UBE2D4: variants seen among roughly 807,000 people sequenced by gnomAD.
The protein encoded by UBE2D4 is ubiquitin conjugating enzyme E2 D4.
A neutral mutation model predicts 23.0 loss-of-function variants in UBE2D4; 17 were observed. The ratio of observed to expected loss-of-function variants is 0.74; its 90% CI spans 0.51 to 1.11. The LOEUF (loss-of-function observed/expected upper bound fraction) is 1.11. Ranked by LOEUF, UBE2D4 falls within the 50% of genes least tolerant of loss-of-function variation. UBE2D4 has a pLI of 0.00. For missense variants in UBE2D4, 139 were observed against 181.8 expected (o/e 0.76, Z 1.35); for synonymous variants, 61 against 69.4 (o/e 0.88, Z 0.60).
Position 43,938,443 on chromosome 7 carries a change from T to C in UBE2D4, c.37T>C (p.Leu13=), listed in dbSNP as rs200634894. The C allele has an allele frequency of 6.2e-7, 1 of 1,614,124 alleles. No homozygotes were observed. Among genetic ancestry groups the C allele is most frequent in the African/African-American group, 1.3e-5 (1 of 75,050 alleles). The change falls in exon 2 of 7, where the codon TTG becomes CTG. Residue 13 remains leucine, a synonymous_variant. Coordinates refer to ENST00000222402, the MANE Select transcript of UBE2D4 (RefSeq NM_015983.4). ...TCTCATGTTCTAGGAATTAACCGAC[T>C]TGCAGAGGGATCCTCCTGCCCAGTG... ...LKRIQKELTD[L]QRDPPAQCSA...
chr7:43,939,431 T>G (rs891655555), intron 2 of UBE2D4, among the ~76,000 whole-genome samples: 3 of 152,238 alleles, frequency 2.0e-5, no homozygotes, highest in African/African-American at 7.2e-5. Flanking sequence ...AGGTCTGTCC[T>G]CTGCCCACTC....
rs564895009 is a variant in UBE2D4, at chr7:43,954,693, G to C, written c.*1998G>C. 3 of 152,178 alleles carry C rather than the reference G, an allele frequency of 2.0e-5. No homozygotes were observed. The highest frequency in any genetic ancestry group is 7.2e-5 in the African/African-American group (3 of 41,442). 9.4% of individuals were successfully genotyped at this position (152,178 alleles called of 1,614,324 possible). A position where few individuals can be genotyped will look rare whatever the true frequency, so the allele number is the denominator to read the frequency against. ...CCTCTAGGAAGGCTGTTAGCATATG[G>C]CTCTACTGAGCAGCAGTGCCATCTG... is the stretch of plus-strand genomic sequence containing the variant. On this transcript the variant is annotated 3_prime_UTR_variant, in exon 7 of 7. Coordinates refer to ENST00000222402, the MANE Select transcript of UBE2D4 (RefSeq NM_015983.4).
chr7:43,943,127 TG>T, intron 4 of UBE2D4, 96 bp downstream of exon 4: 1 of 1,286,458 alleles, frequency 7.8e-7, no homozygotes, highest in Non-Finnish European at 1.1e-6. Context: ...GAGCTGTACG[TG>T]GGGTTTCTCT....
intron 1 of UBE2D4, among the ~76,000 whole-genome samples, chr7:43,929,344 T>C (rs1002735770): frequency 2.0e-5 from 3 of 151,690 alleles, no homozygotes; most frequent in African/African-American, 7.3e-5. Context: ...GGAGAATTGC[T>C]TGAACCCAGG....
At chr7:43,950,455 G>A (rs780078708) in intron 5 of UBE2D4, 144 bp from the exon 6 acceptor site, 23 of 667,358 alleles carry the variant, frequency 3.4e-5, no homozygotes, top group African/African-American at 5.3e-5. Flanking sequence ...CGGGGCAAGT[G>A]GTGCATCAAG....
chr7:43,936,258 T>C (rs2095958495), intron 1 of UBE2D4, among the ~76,000 whole-genome samples: 1 of 152,176 alleles, frequency 6.6e-6, no homozygotes, highest in Non-Finnish European at 1.5e-5. Flanking sequence ...GTTTTTTTTT[T>C]CCTAATTGTA....
chr7:43,936,291 T>C (rs1455961441), intron 1 of UBE2D4, among the ~76,000 whole-genome samples: 1 of 152,196 alleles, frequency 6.6e-6, no homozygotes, highest in Non-Finnish European at 1.5e-5. Flanking sequence ...TTGTGTCTTA[T>C]AAAGGATGGA....
At chr7:43,927,218 T>G (rs2095933720) in intron 1 of UBE2D4, among the ~76,000 whole-genome samples, 1 of 152,308 alleles carries the variant, frequency 6.6e-6, no homozygotes, top group African/African-American at 2.4e-5. Context: ...TTTTCTATAT[T>G]TAAAACAATT....
At chr7:43,939,928 A>C (rs969513722) in intron 2 of UBE2D4, among the ~76,000 whole-genome samples, 2 of 152,156 alleles carry the variant, frequency 1.3e-5, no homozygotes, top group African/African-American at 4.8e-5. Flanking sequence ...AGCTTTAGAA[A>C]TGGATGGGGG....
chr7:43,935,738 T>A (rs2095956961), intron 1 of UBE2D4, among the ~76,000 whole-genome samples: 1 of 152,234 alleles, frequency 6.6e-6, no homozygotes, highest in Non-Finnish European at 1.5e-5. Flanking sequence ...CTTGAACGCA[T>A]AATGATGATA....
intron 1 of UBE2D4, among the ~76,000 whole-genome samples, chr7:43,936,949 C>G (rs2528374): frequency 0.061 from 9,310 of 152,254 alleles, 310 homozygotes; most frequent in East Asian, 0.099. Flanking sequence ...GGACTAGTTT[C>G]TTTCAAGTCA....
intron 1 of UBE2D4, among the ~76,000 whole-genome samples, chr7:43,935,980 T>C (rs960661383): frequency 6.6e-6 from 1 of 152,198 alleles, no homozygotes; most frequent in African/African-American, 2.4e-5. Context: ...TCTAAAGCGA[T>C]TCTTGTGCCT....
At position 43,942,806 on chromosome 7, in the gene UBE2D4, G is replaced by T. The variant is rs748619355; in HGVS notation, c.89-20G>T. 2.5e-5 allele frequency: 41 copies of T among 1,614,002 alleles called. No homozygotes were observed. The highest frequency in any genetic ancestry group is 3.5e-5 in the Non-Finnish European group (41 of 1,180,028). ...TTCTTGGGGGGTCTCTTACATGCCC[G>T]TCTCTCTTTTGTTTTGTAGTGTTCC... is the stretch of plus-strand genomic sequence containing the variant. On this transcript the variant is annotated intron_variant, in intron 2 of 6. Coordinates refer to ENST00000222402, the MANE Select transcript of UBE2D4 (RefSeq NM_015983.4).
At chr7:43,929,233 T>C (rs892735898) in intron 1 of UBE2D4, among the ~76,000 whole-genome samples, 3 of 152,116 alleles carry the variant, frequency 2.0e-5, no homozygotes, top group Non-Finnish European at 4.4e-5. Context: ...GAGACCAGCC[T>C]GGCCAACTTA....
intron 2 of UBE2D4, chr7:43,942,388 G>C (rs1013951533): frequency 1.3e-5 from 4 of 300,522 alleles, no homozygotes; most frequent in African/African-American, 8.6e-5. Flanking sequence ...CCTGAGATCA[G>C]TCCTATGGGC....
chr7:43,942,802 G>T, intron 2 of UBE2D4, 24 bp from the exon 3 acceptor site: 1 of 1,614,174 alleles, frequency 6.2e-7, no homozygotes, highest in Non-Finnish European at 8.5e-7. Context: ...TCTCTTACAT[G>T]CCCGTCTCTC....
At chr7:43,945,473 A>G (rs1319313847) in intron 4 of UBE2D4, among the ~76,000 whole-genome samples, 2 of 152,146 alleles carry the variant, frequency 1.3e-5, no homozygotes, top group Admixed American at 1.3e-4. Context: ...TTTTGGCACA[A>G]ATTTTCTGAC....
At position 43,944,715 on chromosome 7, in the gene UBE2D4, T is replaced by C. The variant is rs1336714201; in HGVS notation, c.198+1684T>C. ...CAGATGCTAAAATAGCTTCACCACA[T>C]TGGAGTACAACTGCTGTTCAAGGGA... On this transcript the variant is annotated intron_variant, in intron 4 of 6. Transcript: ENST00000222402. This position sits in a 1 kb window ranked among gnomAD's most constrained non-coding sequence, Gnocchi z 4.0. 5.3e-5 allele frequency: 8 copies of C among 152,218 alleles called. No homozygotes were observed. Among genetic ancestry groups the C allele is most frequent in the South Asian group, 2.1e-4 (1 of 4,834 alleles). The allele number at this position is 152,218 out of a possible 1,614,324, so 9.4% of individuals were successfully genotyped here.
Position 43,942,857 on chromosome 7 carries a change from G to A in UBE2D4, c.120G>A (p.Pro40=), listed in dbSNP as rs752076753. ...LFHWQATIMG[P]NDSPYQGGVF... is the part of the protein sequence containing the mutation. ...ACTGGCAGGCCACCATCATGGGCCC[G>A]GTAGGTAGTAGCTGCTGAGCGCACC... Residue 40 remains proline, a splice_region_variant and synonymous_variant, in exon 3 of 7, where the codon CCG becomes CCA. Transcript: ENST00000222402. The A allele has an allele frequency of 1.2e-5, 19 of 1,614,052 alleles. No individual in the cohort carries two copies. Among genetic ancestry groups the A allele is most frequent in the Admixed American group, 1.7e-5 (1 of 60,000 alleles).
Sources: gnomAD v4.1 joint callset for allele counts (sites outside exome capture counted in the v4.1 genomes callset) on GRCh38, gnomAD v4.1.1 for gene constraint, Gnocchi (gnomAD v3.1) non-coding constraint, MANE v1.5 for transcripts, NCBI Gene and HGNC (gene_info 2026-07-23, HGNC 2026-07-21) for gene names.